The following CNOT6L variants were observed in gnomAD, a reference collection of about 807,000 sequenced individuals.
CNOT6L encodes CCR4-NOT transcription complex subunit 6 like.
In CNOT6L, 7 loss-of-function variants were observed where a neutral mutation model predicts 64.0. The ratio of observed to expected loss-of-function variants is 0.11; its 90% CI spans 0.06 to 0.21. CNOT6L has a LOEUF of 0.21. Among genes scored for constraint, CNOT6L ranks in the 10% least tolerant of loss-of-function variants. The probability of loss-of-function intolerance (pLI) is 1.00; values close to 1 mark genes in which losing one functional copy is unlikely to be tolerated. For synonymous variants in CNOT6L, 193 were observed against 243.4 expected (o/e 0.79, Z 1.93); for missense variants, 245 against 669.0 (o/e 0.37, Z 6.99).
chr4:77,808,491 A>AAAG (rs1182860584), intron 1 of CNOT6L, among the ~76,000 whole-genome samples: 1 of 151,020 alleles, frequency 6.6e-6, no homozygotes, highest in African/African-American at 2.5e-5. Context: ...AGAGAAGAGA[A>AAAG]AAGAAGAGAA....
At chr4:77,814,841 T>C (rs1733379980) in intron 1 of CNOT6L, among the ~76,000 whole-genome samples, 1 of 152,206 alleles carries the variant, frequency 6.6e-6, no homozygotes, top group African/African-American at 2.4e-5. Context: ...TAAATTGTGA[T>C]TCAATTAAAG....
rs569287095 is a variant in CNOT6L, at chr4:77,772,246, T to C, written c.400+835A>G. ...ATTAGGTAAAGTAATCCCTTTTTTT[T>C]CTTGAGACGGAGTTTCGCTCTTGTT... On this transcript the variant is annotated intron_variant, in intron 4 of 11. Coordinates refer to ENST00000504123, the MANE Select transcript of CNOT6L (RefSeq NM_144571.3). 5.3e-5 allele frequency among the ~76,000 whole-genome samples: 8 copies of C among 152,190 alleles called. No individual in the cohort carries two copies. In the South Asian group the frequency reaches 1.0e-3, roughly 20 times the overall value.
In CNOT6L at chr4:77,714,421, T is replaced by C. The variant is rs1720514912; in HGVS notation, c.*6010A>G. ...CCCTGGCCCTTATAGAGAGAAAAAG[T>C]ACATACACACTCTCTTTAAAAAAAA... On this transcript the variant is annotated 3_prime_UTR_variant, in exon 12 of 12. Transcript: ENST00000504123. The C allele has an allele frequency of 8.5e-6, 1 of 118,038 alleles. No homozygotes were observed. The highest frequency in any genetic ancestry group is 9.0e-5 in the Admixed American group (1 of 11,088). 7.3% of individuals were successfully genotyped at this position (118,038 alleles called of 1,614,324 possible). A position where few individuals can be genotyped will look rare whatever the true frequency, so the allele number is the denominator to read the frequency against.
chr4:77,753,835 G>A (rs1725139003), intron 5 of CNOT6L, among the ~76,000 whole-genome samples: 1 of 147,362 alleles, frequency 6.8e-6, no homozygotes, highest in Admixed American at 6.8e-5. Flanking sequence ...CCATATTAAA[G>A]GATAAAAATA....
At position 77,765,150 on chromosome 4, in the gene CNOT6L, A is replaced by G. The variant is rs185057865; in HGVS notation, c.400+7931T>C. Among the ~76,000 whole-genome samples the G allele has an allele frequency of 1.7e-3, 257 of 152,330 alleles. 3 individuals carry two copies. Among genetic ancestry groups the G allele is most frequent in the African/African-American group, 5.7e-3 (238 of 41,572 alleles). ...GTGACCTCCAATCGTCCTCACTGCTACACTCCCACCAGCTCCATGACAGTT... is the reference window on the plus strand; with the variant it reads ...GTGACCTCCAATCGTCCTCACTGCTGCACTCCCACCAGCTCCATGACAGTT... On this transcript the variant is annotated intron_variant, in intron 4 of 11. Coordinates refer to ENST00000504123, the MANE Select transcript of CNOT6L (RefSeq NM_144571.3).
rs371033513 is a variant in CNOT6L, at chr4:77,771,011, G to A, written c.400+2070C>T. On this transcript the variant is annotated intron_variant, in intron 4 of 11. Transcript: ENST00000504123. ...GGAATGTTTCTAATACAAAGGGTAA[G>A]TCCACTGGATTCAACAGTAAATTAT... Among the ~76,000 whole-genome samples the A allele has an allele frequency of 2.0e-5, 3 of 152,174 alleles. No individual in the cohort carries two copies. The East Asian group carries it at 5.8e-4, about 29-fold the overall frequency.
chr4:77,747,960 C>T (rs938947609), intron 6 of CNOT6L, among the ~76,000 whole-genome samples: 1 of 152,058 alleles, frequency 6.6e-6, no homozygotes, highest in Admixed American at 6.6e-5. Context: ...TCTTAAATCA[C>T]CCAATACTCT....
intron 4 of CNOT6L, among the ~76,000 whole-genome samples, chr4:77,763,884 A>G (rs1411033932): frequency 6.6e-6 from 1 of 152,272 alleles, no homozygotes; most frequent in Non-Finnish European, 1.5e-5. Context: ...ATAACCGACA[A>G]GTCAAGGAAG....
intron 1 of CNOT6L, among the ~76,000 whole-genome samples, chr4:77,796,305 C>T (rs1296218074): frequency 1.3e-5 from 2 of 152,008 alleles, no homozygotes; most frequent in South Asian, 4.1e-4. Context: ...GCTCTGGGTC[C>T]CCACTCAAAT....
At chr4:77,738,002 T>A (rs1560579709) in intron 8 of CNOT6L, among the ~76,000 whole-genome samples, 1 of 152,084 alleles carries the variant, frequency 6.6e-6, no homozygotes, top group Non-Finnish European at 1.5e-5. Flanking sequence ...ACAACAGTAA[T>A]GATACTGTAC....
intron 4 of CNOT6L, among the ~76,000 whole-genome samples, chr4:77,770,951 T>C (rs1013712300): frequency 2.0e-5 from 3 of 152,226 alleles, no homozygotes; most frequent in Non-Finnish European, 4.4e-5. Flanking sequence ...GAAACAGTTA[T>C]GAAAGAGTAA....
chr4:77,730,808 T>G (rs1204727618), intron 9 of CNOT6L, among the ~76,000 whole-genome samples: 1 of 152,038 alleles, frequency 6.6e-6, no homozygotes, highest in African/African-American at 2.4e-5. Context: ...AATGTACTAG[T>G]AAACAGTGAG....
intron 1 of CNOT6L, among the ~76,000 whole-genome samples, chr4:77,810,155 A>G (rs1397690025): frequency 1.3e-5 from 2 of 152,120 alleles, no homozygotes; most frequent in Non-Finnish European, 1.5e-5. Flanking sequence ...CTAAACTCAA[A>G]GTTATCTTAA....
intron 1 of CNOT6L, among the ~76,000 whole-genome samples, chr4:77,801,690 T>G (rs371467944): frequency 3.5e-4 from 18 of 52,078 alleles, no homozygotes; most frequent in Admixed American, 9.2e-4. Flanking sequence ...AGATAAAAAT[T>G]GGGGGGGGGG....
At chr4:77,723,589 C>A (rs1269352399) in intron 11 of CNOT6L, among the ~76,000 whole-genome samples, 1 of 152,118 alleles carries the variant, frequency 6.6e-6, no homozygotes, top group Non-Finnish European at 1.5e-5. Context: ...TCAGGTGTGC[C>A]CTTAGTCTCT....
chr4:77,769,108 T>C (rs778916254), intron 4 of CNOT6L, among the ~76,000 whole-genome samples: 6 of 152,196 alleles, frequency 3.9e-5, no homozygotes, highest in Non-Finnish European at 8.8e-5. Context: ...TGTCATTAGA[T>C]GTATGCATCA....
rs556714726 is a variant in CNOT6L at position 77,742,461 on chromosome 4, G to T, written c.718-166C>A. The T allele has an allele frequency of 8.6e-5, 62 of 723,480 alleles. No individual in the cohort carries two copies. The African/African-American group carries it at 9.0e-4, about 10-fold the overall frequency. 44.8% of individuals were successfully genotyped at this position (723,480 alleles called of 1,614,324 possible). A position where few individuals can be genotyped will look rare whatever the true frequency, so the allele number is the denominator to read the frequency against. On this transcript the variant is annotated intron_variant, in intron 7 of 11. Coordinates refer to ENST00000504123, the MANE Select transcript of CNOT6L (RefSeq NM_144571.3). The stretch of plus-strand genomic sequence containing the variant: ...TGCTAGCAGCTGCTACTTGACAATG[G>T]CAGCTTTTTAAACATGAAAGAACCA...
intron 1 of CNOT6L, among the ~76,000 whole-genome samples, chr4:77,817,645 T>C (rs1318552352): frequency 1.4e-4 from 21 of 152,250 alleles, no homozygotes; most frequent in Non-Finnish European, 2.9e-5. Context: ...CTAACTGAAG[T>C]CTGTAAAACA....
Position 77,770,460 on chromosome 4 carries a change from C to A in CNOT6L, c.400+2621G>T, listed in dbSNP as rs562128055. On this transcript the variant is annotated intron_variant, in intron 4 of 11. Coordinates refer to ENST00000504123, the MANE Select transcript of CNOT6L (RefSeq NM_144571.3). Reference sequence around the variant, plus strand: ...TACCATTCATTAGCAACACTGTATCCCTTCAATTGCTTCAAAAGCCACTCC... The same window carrying A: ...TACCATTCATTAGCAACACTGTATCACTTCAATTGCTTCAAAAGCCACTCC... Among the ~76,000 whole-genome samples, 4 of 152,194 alleles carry A rather than the reference C, an allele frequency of 2.6e-5. No individual in the cohort carries two copies. The East Asian group carries it at 7.7e-4, about 29-fold the overall frequency.
Sources: allele counts gnomAD v4.1 joint callset (sites outside exome capture counted in the v4.1 genomes callset), GRCh38; gene constraint gnomAD v4.1.1; transcripts MANE v1.5; gene names NCBI Gene and HGNC (gene_info 2026-07-23, HGNC 2026-07-21).